ARHGEF10: variants seen among roughly 807,000 people sequenced by gnomAD.
ARHGEF10 encodes the protein Rho guanine nucleotide exchange factor (GEF) 10.
A neutral mutation model predicts 147.4 loss-of-function variants in ARHGEF10; 140 were observed. The ratio of observed to expected loss-of-function variants is 0.95; its 90% CI spans 0.83 to 1.09. ARHGEF10 has a LOEUF of 1.09. Among genes scored for constraint, ARHGEF10 ranks in the 50% least tolerant of loss-of-function variants. The pLI, the probability that ARHGEF10 is intolerant of heterozygous loss-of-function variation, is 0.00. For synonymous variants in ARHGEF10, 902 were observed against 695.8 expected (o/e 1.30, Z -4.67); for missense variants, 2,222 against 1,752.7 (o/e 1.27, Z -4.78).
chr8:1,885,571 A>C (rs1808584743), intron 10 of ARHGEF10, 30 bp from the exon 11 acceptor site: 2 of 1,471,892 alleles, frequency 1.4e-6, no homozygotes, highest in South Asian at 2.3e-5. Context: ...TTTGAATGTA[A>C]AATTCATGCA....
At chr8:1,847,985 G>A (rs935015198) in intron 2 of ARHGEF10, among the ~76,000 whole-genome samples, 1 of 152,210 alleles carries the variant, frequency 6.6e-6, no homozygotes, top group Non-Finnish European at 1.5e-5. Context: ...CAGTCAGAGC[G>A]CTGTCTGCTC....
chr8:1,945,715 G>T, intron 27 of ARHGEF10, 60 bp downstream of exon 27: 2 of 1,605,008 alleles, frequency 1.2e-6, no homozygotes, highest in Non-Finnish European at 1.7e-6. Context: ...CGTGGGGGGT[G>T]CGGAGCGCTG....
intron 25 of ARHGEF10, among the ~76,000 whole-genome samples, chr8:1,931,507 C>T (rs972878384): frequency 6.6e-6 from 1 of 152,166 alleles, no homozygotes; most frequent in East Asian, 1.9e-4. Flanking sequence ...ATCTGCTGAA[C>T]GTGTCTCTTC....
chr8:1,881,130 C>G (rs1268340517), intron 9 of ARHGEF10, among the ~76,000 whole-genome samples: 2 of 152,132 alleles, frequency 1.3e-5, no homozygotes, highest in Non-Finnish European at 2.9e-5. Context: ...CAGGTGAGGG[C>G]ACTGTGGGAA....
At chr8:1,954,433 G>A (rs1214060903) in intron 28 of ARHGEF10, among the ~76,000 whole-genome samples, 1 of 151,672 alleles carries the variant, frequency 6.6e-6, no homozygotes, top group Non-Finnish European at 1.5e-5. Flanking sequence ...TCAGATTTGG[G>A]ATGCTCAACC....
intron 1 of ARHGEF10, among the ~76,000 whole-genome samples, chr8:1,829,143 A>C (rs1461665050): frequency 6.6e-6 from 1 of 152,252 alleles, no homozygotes; most frequent in Non-Finnish European, 1.5e-5. Flanking sequence ...AGTTGCACTC[A>C]TGTCGGGCCT....
intron 9 of ARHGEF10, 96 bp from the exon 10 acceptor site, chr8:1,882,539 C>G (rs1192084717): frequency 1.9e-6 from 2 of 1,047,750 alleles, no homozygotes; most frequent in African/African-American, 1.6e-5. Context: ...CTCACAAGAA[C>G]CAGACTACTT....
intron 26 of ARHGEF10, among the ~76,000 whole-genome samples, chr8:1,936,658 G>A (rs760726467): frequency 6.6e-6 from 1 of 152,214 alleles, no homozygotes; most frequent in East Asian, 1.9e-4. Context: ...TTATCATTAA[G>A]AGCTTCTAAA....
intron 2 of ARHGEF10, among the ~76,000 whole-genome samples, chr8:1,847,907 AT>A (rs1804680438): frequency 6.6e-6 from 1 of 152,220 alleles, no homozygotes; most frequent in Non-Finnish European, 1.5e-5. Flanking sequence ...AAAAATGAGT[AT>A]TACTTTAATC....
chr8:1,888,090 T>C (rs541382362), intron 11 of ARHGEF10, among the ~76,000 whole-genome samples: 9 of 125,708 alleles, frequency 7.2e-5, no homozygotes, highest in African/African-American at 1.9e-4. Flanking sequence ...AGACACTAGG[T>C]AGGGTGAATG....
intron 27 of ARHGEF10, among the ~76,000 whole-genome samples, chr8:1,947,700 C>G (rs1814706094): frequency 6.8e-6 from 1 of 147,834 alleles, no homozygotes; most frequent in Non-Finnish European, 1.5e-5. Context: ...AGCACCCACC[C>G]TCTCATCCCA....
rs150986504 is a variant in ARHGEF10, at chr8:1,925,287, G to A, written c.2493G>A (p.Glu831=). 229 of 1,614,168 alleles carry A rather than the reference G, an allele frequency of 1.4e-4. No homozygotes were observed. Among genetic ancestry groups the A allele is most frequent in the Non-Finnish European group, 1.7e-4 (203 of 1,180,034 alleles). ...SLQMAKLALE[E]ENHMGWFCVE... is the part of the protein sequence containing the mutation. Reference sequence around the variant, plus strand: ...TCTCTCTGAATATAATTGCAGAAGAGGAGAACCACATGGGCTGGTTCTGTG... The same window carrying A: ...TCTCTCTGAATATAATTGCAGAAGAAGAGAACCACATGGGCTGGTTCTGTG... Residue 831 remains glutamate, a synonymous_variant, in exon 22 of 29, where the codon GAG becomes GAA. Transcript: ENST00000349830.
chr8:1,853,385 G>A (rs557786038), intron 2 of ARHGEF10, among the ~76,000 whole-genome samples: 56 of 152,372 alleles, frequency 3.7e-4, no homozygotes, highest in African/African-American at 1.3e-3. Context: ...CGGCTACACT[G>A]CAGATTCCCC....
rs557681184 is a variant in ARHGEF10, at chr8:1,897,572, A to G, written c.1558-861A>G. On this transcript the variant is annotated intron_variant, in intron 14 of 28. Coordinates refer to ENST00000349830, the MANE Select transcript of ARHGEF10 (RefSeq NM_014629.4). ...TCTGGACAGCTGTGGGCTCTGTCCT[A>G]AGGCATCGGATCGCAGTTCCCACTC... 6.2e-3 allele frequency among the ~76,000 whole-genome samples: 931 copies of G among 149,004 alleles called. 17 individuals carry two copies. Among genetic ancestry groups the G allele is most frequent in the African/African-American group, 0.023 (898 of 39,388 alleles).
rs1356274314 is a variant in ARHGEF10 at position 1,842,005 on chromosome 8, CTGGGG to C, written c.-47-1347_-47-1343del. On this transcript the variant is annotated intron_variant, in intron 1 of 28. Transcript: ENST00000349830. ...GCGGGAACTGGGGCCGCGGCGGGAACTGGGGCCGCGGCGGGAACTGGGGCCGCGGC... is the reference window on the plus strand; with the variant it reads ...GCGGGAACTGGGGCCGCGGCGGGAACCCGCGGCGGGAACTGGGGCCGCGGC... 2.5e-4 allele frequency among the ~76,000 whole-genome samples: 20 copies of C among 80,990 alleles called. 1 individual carries two copies. Among genetic ancestry groups the C allele is most frequent in the East Asian group, 7.7e-4 (2 of 2,596 alleles). The allele number at this position is 80,990 out of a possible 152,430, so 53.1% of individuals were successfully genotyped here. A position where few individuals can be genotyped will look rare whatever the true frequency, so the allele number is the denominator to read the frequency against.
chr8:1,938,752 A>G (rs1258314688), intron 26 of ARHGEF10, among the ~76,000 whole-genome samples: 1 of 151,968 alleles, frequency 6.6e-6, no homozygotes, highest in Non-Finnish European at 1.5e-5. Context: ...CCTGGGCAGC[A>G]TAGCGAGACC....
intron 11 of ARHGEF10, among the ~76,000 whole-genome samples, chr8:1,891,109 C>T (rs1809490401): frequency 6.6e-6 from 1 of 152,320 alleles, no homozygotes; most frequent in South Asian, 2.1e-4. Context: ...ATAGCAAGGT[C>T]TCTGTGTTGT....
At chr8:1,877,701 G>A (rs910052668) in intron 8 of ARHGEF10, among the ~76,000 whole-genome samples, 1 of 117,182 alleles carries the variant, frequency 8.5e-6, no homozygotes, top group Non-Finnish European at 1.9e-5. Context: ...TCTCGGTGGT[G>A]CCAGGCCGTG....
chr8:1,925,517 C>A, intron 22 of ARHGEF10, 113 bp downstream of exon 22: 1 of 1,436,742 alleles, frequency 7.0e-7, no homozygotes, highest in Non-Finnish European at 9.5e-7. Context: ...CTCCCAGGTT[C>A]ACCACAGTGA....
Sources: gnomAD v4.1 joint callset for allele counts (sites outside exome capture counted in the v4.1 genomes callset) on GRCh38, gnomAD v4.1.1 for gene constraint, MANE v1.5 for transcripts, NCBI Gene and HGNC (gene_info 2026-07-23, HGNC 2026-07-21) for gene names.